The following PARD3B variants were observed in gnomAD, a reference collection of about 807,000 sequenced individuals.
The protein encoded by PARD3B is partitioning defective 3 homolog B.
A neutral mutation model predicts 130.2 loss-of-function variants in PARD3B; 103 were observed. That is an observed-to-expected ratio of 0.79 (90% confidence interval 0.67 to 0.93). PARD3B has a LOEUF of 0.93. Among genes scored for constraint, PARD3B ranks in the 40% least tolerant of loss-of-function variants. The pLI, the probability that PARD3B is intolerant of heterozygous loss-of-function variation, is 0.00. For synonymous variants in PARD3B, 583 were observed against 553.2 expected (o/e 1.05, Z -0.76); for missense variants, 1,609 against 1,499.2 (o/e 1.07, Z -1.21).
rs2048454311 is a variant in PARD3B, at chr2:205,461,528, A to G, written c.3044+20856A>G. Reference sequence around the variant, plus strand: ...CATGGTTCTCCAGCTGTCCAGGGACATGCACCCTCTACCTCCCAGAGACCT... The same window carrying G: ...CATGGTTCTCCAGCTGTCCAGGGACGTGCACCCTCTACCTCCCAGAGACCT... On this transcript the variant is annotated intron_variant, in intron 20 of 22. Coordinates refer to ENST00000406610, the MANE Select transcript of PARD3B (RefSeq NM_001302769.2). The surrounding 1 kb of genome is among the most constrained non-coding windows in gnomAD (Gnocchi z 4.3). 6.6e-6 allele frequency among the ~76,000 whole-genome samples: 1 copy of G among 152,176 alleles called. No individual in the cohort carries two copies.
intron 2 of PARD3B, among the ~76,000 whole-genome samples, chr2:204,920,724 A>T (rs990792886): frequency 6.6e-6 from 1 of 152,104 alleles, no homozygotes; most frequent in African/African-American, 2.4e-5. Flanking sequence ...GGAAGCCTCT[A>T]ATTTTTCATA....
intron 22 of PARD3B, among the ~76,000 whole-genome samples, chr2:205,554,907 C>G (rs2052809718): frequency 6.6e-6 from 1 of 152,134 alleles, no homozygotes; most frequent in South Asian, 2.1e-4. Flanking sequence ...TCTGTGGATT[C>G]TGGTATCTGA....
intron 2 of PARD3B, among the ~76,000 whole-genome samples, chr2:204,953,794 A>G (rs945747687): frequency 6.6e-6 from 1 of 152,236 alleles, no homozygotes; most frequent in Non-Finnish European, 1.5e-5. Flanking sequence ...CGTAATAATT[A>G]TGCTCAACGT....
intron 22 of PARD3B, among the ~76,000 whole-genome samples, chr2:205,610,801 A>C (rs549689972): frequency 2.7e-4 from 41 of 152,252 alleles, no homozygotes; most frequent in Admixed American, 2.7e-3. Flanking sequence ...AGAATTTAGA[A>C]ATCAGTCTCA....
intron 1 of PARD3B, among the ~76,000 whole-genome samples, chr2:204,598,798 A>G (rs766417472): frequency 8.6e-5 from 13 of 151,860 alleles, no homozygotes; most frequent in Admixed American, 2.6e-4. Flanking sequence ...CCTTAAGTCA[A>G]TTTCTTAATG....
At chr2:204,640,789 T>C (rs1439183649) in intron 1 of PARD3B, among the ~76,000 whole-genome samples, 1 of 151,904 alleles carries the variant, frequency 6.6e-6, no homozygotes, top group African/African-American at 2.4e-5. Context: ...TAAATATTTA[T>C]TAAGTATCCA....
chr2:205,163,952 C>A (rs1269790614), intron 11 of PARD3B, among the ~76,000 whole-genome samples: 2 of 152,142 alleles, frequency 1.3e-5, no homozygotes, highest in African/African-American at 4.8e-5. Flanking sequence ...TAAGCTGTTA[C>A]CTCTGGCAAA....
chr2:204,586,646 C>T (rs537654576), intron 1 of PARD3B, among the ~76,000 whole-genome samples: 1 of 152,274 alleles, frequency 6.6e-6, no homozygotes, highest in East Asian at 1.9e-4. Context: ...ACATGTAGGT[C>T]TCGAATTTAT....
intron 18 of PARD3B, among the ~76,000 whole-genome samples, chr2:205,376,246 G>A (rs1330032610): frequency 6.6e-6 from 1 of 152,136 alleles, no homozygotes; most frequent in African/African-American, 2.4e-5. Flanking sequence ...AAACAGCTGG[G>A]GATCAAAGCA....
In PARD3B at chr2:205,197,653, T is replaced by C. The variant is rs377030615; in HGVS notation, c.2140+4333T>C. On this transcript the variant is annotated intron_variant, in intron 15 of 22. Coordinates refer to ENST00000406610, the MANE Select transcript of PARD3B (RefSeq NM_001302769.2). ...GATTAACATGATAAATAAAAGGAAA[T>C]TTGTTTTTAAATAATTGCATGTAGT... 1.6e-4 allele frequency among the ~76,000 whole-genome samples: 24 copies of C among 152,268 alleles called. No individual in the cohort carries two copies. The East Asian group carries it at 4.2e-3, about 27-fold the overall frequency.
At chr2:204,918,406 G>A (rs1210851697) in intron 2 of PARD3B, among the ~76,000 whole-genome samples, 2 of 152,000 alleles carry the variant, frequency 1.3e-5, no homozygotes, top group Admixed American at 6.5e-5. Context: ...CGAGGCGGGC[G>A]GATCACGAGG....
At chr2:205,454,079 C>CTT (rs2048192861) in intron 20 of PARD3B, among the ~76,000 whole-genome samples, 1 of 152,144 alleles carries the variant, frequency 6.6e-6, no homozygotes, top group African/African-American at 2.4e-5. Context: ...CTACTCAAGG[C>CTT]TGCGGGGTAC....
At chr2:204,976,349 G>C (rs1692149745) in intron 3 of PARD3B, among the ~76,000 whole-genome samples, 1 of 152,184 alleles carries the variant, frequency 6.6e-6, no homozygotes, top group African/African-American at 2.4e-5. Context: ...TTTTCGGCAA[G>C]TTACTTAAGC....
chr2:205,446,169 G>C lies in PARD3B; in HGVS notation c.3044+5497G>C, dbSNP rs2047900472. On this transcript the variant is annotated intron_variant, in intron 20 of 22. Coordinates refer to ENST00000406610, the MANE Select transcript of PARD3B (RefSeq NM_001302769.2). This position sits in a 1 kb window ranked among gnomAD's most constrained non-coding sequence, Gnocchi z 4.4. ...GTAAAATAGAAACCTGGTGGGAGGG[G>C]TAAATGGAAAGAGAGAACATGGGAT... is the stretch of plus-strand genomic sequence containing the variant. 1.3e-5 allele frequency among the ~76,000 whole-genome samples: 2 copies of C among 152,088 alleles called. No homozygotes were observed. Among genetic ancestry groups the C allele is most frequent in the Admixed American group, 1.3e-4 (2 of 15,266 alleles).
chr2:204,658,955 G>A (rs752661366), intron 1 of PARD3B, among the ~76,000 whole-genome samples: 11 of 152,188 alleles, frequency 7.2e-5, no homozygotes, highest in East Asian at 3.9e-4. Context: ...GCATTATCTC[G>A]GTTCCATTTC....
At chr2:204,615,269 G>A (rs1440054692) in intron 1 of PARD3B, among the ~76,000 whole-genome samples, 3 of 152,110 alleles carry the variant, frequency 2.0e-5, no homozygotes, top group African/African-American at 7.2e-5. Context: ...GTTTCTTAAA[G>A]GTTAGTTGCA....
rs2046978179 is a variant in PARD3B at position 205,421,674 on chromosome 2, A to G, written c.2742-18696A>G. ...TTGCTGCTGTAACAAATTACCACAT[A>G]CTTGGTATCATAAAACAACATAAAT... On this transcript the variant is annotated intron_variant, in intron 19 of 22. Transcript: ENST00000406610. The surrounding 1 kb of genome is among the most constrained non-coding windows in gnomAD (Gnocchi z 5.1). 6.6e-6 allele frequency among the ~76,000 whole-genome samples: 1 copy of G among 152,152 alleles called. No individual in the cohort carries two copies. Among genetic ancestry groups the G allele is most frequent in the African/African-American group, 2.4e-5 (1 of 41,434 alleles).
chr2:205,107,989 C>G lies in PARD3B; in HGVS notation c.593+3475C>G, dbSNP rs16836955. 4.2e-3 allele frequency among the ~76,000 whole-genome samples: 641 copies of G among 152,288 alleles called. 7 individuals are homozygous for G. Among genetic ancestry groups the G allele is most frequent in the African/African-American group, 0.015 (620 of 41,562 alleles). On this transcript the variant is annotated intron_variant, in intron 5 of 22. Transcript: ENST00000406610. Reference sequence around the variant, plus strand: ...CTCCACTCCTGCTTCCACAGATAAGCCTTCTTCCAGACTTGCCTTTTGTTT... The same window carrying G: ...CTCCACTCCTGCTTCCACAGATAAGGCTTCTTCCAGACTTGCCTTTTGTTT...
chr2:205,608,719 C>T (rs2055112669), intron 22 of PARD3B, among the ~76,000 whole-genome samples: 1 of 152,158 alleles, frequency 6.6e-6, no homozygotes, highest in Non-Finnish European at 1.5e-5. Flanking sequence ...GTCTGCTGAA[C>T]TGTCATACAG....
Sources: gnomAD v4.1 joint callset for allele counts (sites outside exome capture counted in the v4.1 genomes callset) on GRCh38, gnomAD v4.1.1 for gene constraint, Gnocchi (gnomAD v3.1) non-coding constraint, MANE v1.5 for transcripts, NCBI Gene and HGNC (gene_info 2026-07-23, HGNC 2026-07-21) for gene names.